Variants in AOPEP observed in about 807,000 individuals in gnomAD.
AOPEP encodes the protein aminopeptidase O (putative).
Under a neutral mutation model 98.1 loss-of-function variants are expected in AOPEP, and 77 were observed. That is an observed-to-expected ratio of 0.78 (90% CI 0.65 to 0.95). The LOEUF (loss-of-function observed/expected upper bound fraction) is 0.95. Ranked by LOEUF, AOPEP falls within the 40% of genes least tolerant of loss-of-function variation. The pLI is 0.00. For synonymous variants in AOPEP, 346 were observed against 365.3 expected, an observed-to-expected ratio of 0.95 and a Z score of 0.60; for missense variants, 1,024 against 1,024.7, an observed-to-expected ratio of 1.00 and a Z score of 0.01.
At chr9:95,063,855 T>C (rs1196930243) in intron 14 of AOPEP, among the ~76,000 whole-genome samples, 2 of 151,984 alleles carry the variant, frequency 1.3e-5, no homozygotes, top group Non-Finnish European at 2.9e-5. Flanking sequence ...CCCCAGGTGC[T>C]CGTGTGCACG....
chr9:94,808,967 T>C (rs16911713), intron 5 of AOPEP, among the ~76,000 whole-genome samples: 13,499 of 152,284 alleles, frequency 0.089, 713 homozygotes, highest in African/African-American at 0.13. Context: ...TTTGCCTTTT[T>C]TCATAGATGT....
the AOPEP span, chr9:95,127,260 C>G: frequency 6.6e-6 from 1 of 152,574 alleles, no homozygotes; most frequent in South Asian, 2.1e-4. Flanking sequence ...GGCCCAGTCC[C>G]TGGTTCCCTA....
chr9:94,856,589 C>T lies in AOPEP; in HGVS notation c.1364+55587C>T, dbSNP rs533335172. Reference sequence around the variant, plus strand: ...CCGGGAGGCAGAGGTTGTGGTAAGCCGAGATCGTGCCATTGCACTTCAGCC... The same window carrying T: ...CCGGGAGGCAGAGGTTGTGGTAAGCTGAGATCGTGCCATTGCACTTCAGCC... On this transcript the variant is annotated intron_variant, in intron 5 of 16. Coordinates refer to ENST00000375315, the MANE Select transcript of AOPEP (RefSeq NM_001193329.3). Among the ~76,000 whole-genome samples the T allele has an allele frequency of 1.6e-4, 24 of 148,806 alleles. 1 individual carries two copies. In the South Asian group the frequency reaches 4.0e-3, roughly 25 times the overall value.
At chr9:94,731,790 C>CTTTTTTTTTTTTTTTTT (rs564831468) in intron 1 of AOPEP, among the ~76,000 whole-genome samples, 1 of 86,282 alleles carries the variant, frequency 1.2e-5, no homozygotes. Context: ...TCTCTTTTGC[C>CTTTTTTTTTTTTTTTTT]TTTTTTTTTT....
At chr9:95,007,262 G>A (rs1336492186) in intron 13 of AOPEP, among the ~76,000 whole-genome samples, 2 of 152,076 alleles carry the variant, frequency 1.3e-5, no homozygotes, top group Non-Finnish European at 2.9e-5. Flanking sequence ...TAGAAAGGAA[G>A]GGGAAGCCAT....
At chr9:94,959,053 G>GTTTTTT (rs1372000623) in intron 9 of AOPEP, among the ~76,000 whole-genome samples, 4 of 150,536 alleles carry the variant, frequency 2.7e-5, no homozygotes, top group African/African-American at 9.9e-5. Context: ...TAATGTTTTT[G>GTTTTTT]TTTTTTTTGA....
chr9:95,079,675 G>A (rs1195188836), intron 14 of AOPEP, among the ~76,000 whole-genome samples: 2 of 152,222 alleles, frequency 1.3e-5, no homozygotes, highest in Non-Finnish European at 2.9e-5. Context: ...TCCAGAGGGC[G>A]GCCAGGGCTG....
chr9:95,092,055 GC>G (rs1177963184), downstream of AOPEP, among the ~76,000 whole-genome samples: 8 of 101,272 alleles, frequency 7.9e-5, no homozygotes, highest in Admixed American at 8.7e-5. Flanking sequence ...CCTGTTGAAG[GC>G]TGTGTGTGTG....
At chr9:95,144,492 C>T in the AOPEP span, among the ~76,000 whole-genome samples, 1 of 152,208 alleles carries the variant, frequency 6.6e-6, no homozygotes, top group African/African-American at 2.4e-5. Context: ...TGTGCTAGAG[C>T]AGGAGTAGCT....
Position 94,819,478 on chromosome 9 carries a change from G to C in AOPEP, c.1364+18476G>C, listed in dbSNP as rs370756915. Among the ~76,000 whole-genome samples the C allele has an allele frequency of 3.9e-5, 6 of 152,286 alleles. No individual in the cohort carries two copies. In the East Asian group the frequency reaches 9.6e-4, roughly 24 times the overall value. On this transcript the variant is annotated intron_variant, in intron 5 of 16. Transcript: ENST00000375315. Reference sequence around the variant, plus strand: ...TGTGTTCACAGGCCAGCCCTCCCCGGGGCATACACAGCATTTTGTAAATAG... The same window carrying C: ...TGTGTTCACAGGCCAGCCCTCCCCGCGGCATACACAGCATTTTGTAAATAG...
chr9:94,849,138 A>G (rs1168555274), intron 5 of AOPEP, among the ~76,000 whole-genome samples: 2 of 152,264 alleles, frequency 1.3e-5, no homozygotes, highest in South Asian at 2.1e-4. Flanking sequence ...GGCAGGGGGT[A>G]GGAATAGTAA....
chr9:95,096,534 C>T, the AOPEP span, among the ~76,000 whole-genome samples: 2 of 152,294 alleles, frequency 1.3e-5, no homozygotes, highest in Admixed American at 6.5e-5. Context: ...GCGGGCTCTC[C>T]GGGCCGGTGA....
At chr9:95,107,120 G>T in the AOPEP span, 1 of 1,614,250 alleles carries the variant, frequency 6.2e-7, no homozygotes, top group Non-Finnish European at 8.5e-7. Context: ...AGAGCAGGAA[G>T]TTGAGGAGAA....
At chr9:94,871,078 C>G (rs1283288929) in intron 5 of AOPEP, among the ~76,000 whole-genome samples, 1 of 152,244 alleles carries the variant, frequency 6.6e-6, no homozygotes, top group African/African-American at 2.4e-5. Flanking sequence ...ACTCCCAGTT[C>G]CATTCTCTGC....
At chr9:95,143,067 T>C in the AOPEP span, among the ~76,000 whole-genome samples, 3 of 152,212 alleles carry the variant, frequency 2.0e-5, no homozygotes, top group Non-Finnish European at 2.9e-5. Context: ...AATCAGAGGT[T>C]CCAATGATCC....
At position 95,005,138 on chromosome 9, in the gene AOPEP, T is replaced by A; in HGVS notation, c.1978-20T>A. On this transcript the variant is annotated intron_variant, in intron 11 of 16. Transcript: ENST00000375315. ...GGGCCGCTCCCGCGGTAAACTTGAC[T>A]GTGTCCTCTTCCCCCGCAGCCGCTG... 1 of 1,131,164 alleles carries A rather than the reference T, an allele frequency of 8.8e-7. No individual in the cohort carries two copies. The highest frequency in any genetic ancestry group is 1.1e-6 in the Non-Finnish European group (1 of 921,174). 70.1% of individuals were successfully genotyped at this position (1,131,164 alleles called of 1,614,324 possible).
intron 13 of AOPEP, among the ~76,000 whole-genome samples, chr9:95,047,916 T>A (rs1392563146): frequency 6.6e-6 from 1 of 152,212 alleles, no homozygotes; most frequent in Non-Finnish European, 1.5e-5. Context: ...GTTAGCGACC[T>A]CCACCAGTGC....
intron 3 of AOPEP, among the ~76,000 whole-genome samples, chr9:94,790,782 A>G (rs1293225264): frequency 1.3e-5 from 2 of 152,012 alleles, no homozygotes; most frequent in African/African-American, 4.8e-5. Flanking sequence ...AAGCACTTTA[A>G]AAAATGTCAT....
chr9:95,087,375 C>G (rs528247753), downstream of AOPEP, among the ~76,000 whole-genome samples: 1 of 141,698 alleles, frequency 7.1e-6, no homozygotes, highest in Non-Finnish European at 1.5e-5. Context: ...CCCAGCTACT[C>G]GGGAGACTGA....
Sources: allele counts gnomAD v4.1 joint callset (sites outside exome capture counted in the v4.1 genomes callset), GRCh38; gene constraint gnomAD v4.1.1; transcripts MANE v1.5; gene names NCBI Gene and HGNC (gene_info 2026-07-23, HGNC 2026-07-21).